The following INPP4B variants were observed in gnomAD, a reference collection of about 807,000 sequenced individuals.
The protein encoded by INPP4B is inositol polyphosphate-4-phosphatase type II B.
A neutral mutation model predicts 122.5 loss-of-function variants in INPP4B; 55 were observed. That is an observed-to-expected ratio of 0.45 (90% confidence interval 0.36 to 0.56). The LOEUF is 0.56. Among genes scored for constraint, INPP4B ranks in the 20% least tolerant of loss-of-function variants. The pLI is 0.00. For missense variants in INPP4B, 1,000 were observed against 1,097.7 expected (o/e 0.91, Z 1.26); for synonymous variants, 403 against 388.7 (o/e 1.04, Z -0.43).
chr4:142,640,058 G>C (rs114212206), intron 2 of INPP4B, among the ~76,000 whole-genome samples: 1,753 of 152,078 alleles, frequency 0.012, 31 homozygotes, highest in African/African-American at 0.032. Flanking sequence ...AAACCTCATA[G>C]GAATACTAAC....
intron 2 of INPP4B, among the ~76,000 whole-genome samples, chr4:142,725,347 G>T (rs1765209028): frequency 6.6e-6 from 1 of 151,746 alleles, no homozygotes; most frequent in South Asian, 2.1e-4. Flanking sequence ...TTTGCATGAG[G>T]GTGTCTTCAT....
chr4:142,747,792 T>C (rs1385494890), intron 1 of INPP4B, among the ~76,000 whole-genome samples: 3 of 152,116 alleles, frequency 2.0e-5, no homozygotes, highest in Admixed American at 6.6e-5. Context: ...ACACTGCATG[T>C]TCCCACTCAT....
At chr4:142,778,119 A>C (rs1774216232) in intron 1 of INPP4B, among the ~76,000 whole-genome samples, 1 of 152,120 alleles carries the variant, frequency 6.6e-6, no homozygotes, top group African/African-American at 2.4e-5. Context: ...ACCTCAACAT[A>C]CTCATCTGGA....
chr4:142,506,408 T>C (rs1042173011), intron 2 of INPP4B, among the ~76,000 whole-genome samples: 1 of 151,688 alleles, frequency 6.6e-6, no homozygotes, highest in Non-Finnish European at 1.5e-5. Context: ...GGTAATGGAG[T>C]TTTCTAGAAA....
intron 7 of INPP4B, among the ~76,000 whole-genome samples, chr4:142,335,288 G>T (rs139937152): frequency 5.3e-5 from 8 of 152,112 alleles, no homozygotes; most frequent in African/African-American, 1.9e-4. Context: ...CAAAAATCTA[G>T]TTAACTGATT....
chr4:142,733,119 T>C (rs188695958), intron 1 of INPP4B, among the ~76,000 whole-genome samples: 5 of 152,212 alleles, frequency 3.3e-5, no homozygotes, highest in Non-Finnish European at 1.5e-5. Flanking sequence ...TACATATCAA[T>C]TTGTGGGGAA....
chr4:142,555,974 T>C (rs1054568179), intron 2 of INPP4B, among the ~76,000 whole-genome samples: 3 of 152,184 alleles, frequency 2.0e-5, no homozygotes, highest in African/African-American at 7.2e-5. Flanking sequence ...TATATGTATC[T>C]TTTCAGCAAG....
At chr4:142,441,924 C>T (rs1361729552) in intron 3 of INPP4B, among the ~76,000 whole-genome samples, 1 of 149,388 alleles carries the variant, frequency 6.7e-6, no homozygotes. Context: ...TAAGGAGATA[C>T]AAGCAAGGCA....
At chr4:142,305,979 G>C (rs1763199791) in intron 8 of INPP4B, 1 of 942,632 alleles carries the variant, frequency 1.1e-6, no homozygotes. Context: ...TTTTTATGTG[G>C]GACTTTGTAC....
At chr4:142,364,247 C>G (rs906821238) in intron 7 of INPP4B, among the ~76,000 whole-genome samples, 1 of 151,916 alleles carries the variant, frequency 6.6e-6, no homozygotes, top group African/African-American at 2.4e-5. Flanking sequence ...AATAGGGTCC[C>G]TCATCTTCAG....
At chr4:142,223,192 GCACA>G (rs147785040) in intron 12 of INPP4B, among the ~76,000 whole-genome samples, 80 of 147,042 alleles carry the variant, frequency 5.4e-4, no homozygotes, top group South Asian at 8.7e-4. Flanking sequence ...ATATGTGCAT[GCACA>G]CACACACACA....
rs1560996074 is a variant in INPP4B at position 142,720,737 on chromosome 4, T to TATATGTATATATACATATATATATAA, written c.-191+5101_-191+5102insTTATATATATATGTATATATACATAT. Among the ~76,000 whole-genome samples, 2 of 94,082 alleles carry TATATGTATATATACATATATATATAA rather than the reference T, an allele frequency of 2.1e-5. 1 individual carries two copies. Among genetic ancestry groups the TATATGTATATATACATATATATATAA allele is most frequent in the African/African-American group, 8.7e-5 (2 of 23,038 alleles). The allele number at this position is 94,082 out of a possible 152,430, so 61.7% of individuals were successfully genotyped here. A position where few individuals can be genotyped will look rare whatever the true frequency, so the allele number is the denominator to read the frequency against. ...GTATATGTGTATATATATACATATA[T>TATATGTATATATACATATATATATAA]ATATATATATACATATATATATAAT... is the stretch of plus-strand genomic sequence containing the variant. On this transcript the variant is annotated intron_variant, in intron 2 of 25. Transcript: ENST00000262992.
intron 17 of INPP4B, among the ~76,000 whole-genome samples, chr4:142,152,097 G>C (rs1241045504): frequency 1.9e-5 from 2 of 103,242 alleles, no homozygotes; most frequent in South Asian, 2.8e-4. Flanking sequence ...TTTTTTTGAC[G>C]GAGTCTCGCT....
intron 15 of INPP4B, among the ~76,000 whole-genome samples, chr4:142,186,915 A>C (rs767332962): frequency 9.2e-5 from 14 of 152,180 alleles, no homozygotes; most frequent in Non-Finnish European, 2.1e-4. Context: ...AATTAAAAGC[A>C]CTTTACTCTC....
chr4:142,374,933 T>C (rs1026460307), intron 7 of INPP4B, among the ~76,000 whole-genome samples: 3 of 151,878 alleles, frequency 2.0e-5, no homozygotes, highest in Non-Finnish European at 2.9e-5. Flanking sequence ...CTAGTAAAGG[T>C]AGGAACAATT....
At chr4:142,478,648 T>C (rs112646332) in intron 2 of INPP4B, among the ~76,000 whole-genome samples, 7,262 of 152,230 alleles carry the variant, frequency 0.048, 192 homozygotes, top group Middle Eastern at 0.079. Context: ...TACTTGATCA[T>C]GGTAGATTAG....
intron 7 of INPP4B, among the ~76,000 whole-genome samples, chr4:142,370,372 A>G (rs1228928729): frequency 6.6e-6 from 1 of 152,210 alleles, no homozygotes; most frequent in Non-Finnish European, 1.5e-5. Context: ...TTTAAAATAA[A>G]TCATTTTGAT....
At chr4:142,398,523 C>T (rs1209563880) in intron 7 of INPP4B, among the ~76,000 whole-genome samples, 1 of 143,052 alleles carries the variant, frequency 7.0e-6, no homozygotes, top group African/African-American at 2.6e-5. Context: ...TGTACCATAT[C>T]TTATGGATGA....
chr4:142,494,290 C>T (rs1388452888), intron 2 of INPP4B, among the ~76,000 whole-genome samples: 1 of 152,122 alleles, frequency 6.6e-6, no homozygotes, highest in Non-Finnish European at 1.5e-5. Context: ...TTGTCTACTT[C>T]TAATTGTTAT....
Sources: gnomAD v4.1 joint callset for allele counts (sites outside exome capture counted in the v4.1 genomes callset) on GRCh38, gnomAD v4.1.1 for gene constraint, MANE v1.5 for transcripts, NCBI Gene and HGNC (gene_info 2026-07-23, HGNC 2026-07-21) for gene names.